The following TNFRSF21 variants were observed in gnomAD, a reference collection of about 807,000 sequenced individuals.
TNFRSF21 encodes the protein TNF receptor superfamily member 21.
In TNFRSF21, 19 loss-of-function variants were observed where a neutral mutation model predicts 45.6. The ratio of observed to expected loss-of-function variants is 0.42; its 90% CI spans 0.29 to 0.61. TNFRSF21 has a LOEUF of 0.61. TNFRSF21 is among the 20% of genes least tolerant of loss of function. TNFRSF21 has a pLI of 0.23. For missense variants in TNFRSF21, 737 were observed against 851.5 expected, an observed-to-expected ratio of 0.87 and a Z score of 1.67; for synonymous variants, 314 against 335.5, an observed-to-expected ratio of 0.94 and a Z score of 0.70.
chr6:47,284,314 G>T lies in TNFRSF21; in HGVS notation c.867C>A (p.Asn289Lys). The change falls in exon 3 of 6, where the codon AAC becomes AAA. Residue 289 changes from asparagine (N) to lysine (K), a missense_variant. Transcript: ENST00000296861. ...CTACCTGAAGGTTTGGGAGGGTCTT[G>T]TTCACGTCTTCCTTCCCCCTTGCTG... ...TSSARGKEDVNKTLPNLQVVN... is the reference protein window; with the variant it reads ...TSSARGKEDVKKTLPNLQVVN... The T allele has an allele frequency of 6.2e-7, 1 of 1,603,996 alleles. No individual in the cohort carries two copies. The highest frequency in any genetic ancestry group is 1.7e-5 in the Admixed American group (1 of 59,292).
chr6:47,253,103 G>GGTGT (rs369860041), intron 4 of TNFRSF21, among the ~76,000 whole-genome samples, 153 bp downstream of exon 4: 12 of 149,146 alleles, frequency 8.0e-5, no homozygotes, highest in Admixed American at 2.0e-4. Context: ...TAGAAGGTAG[G>GGTGT]GTGTGTGTGT....
At chr6:47,294,227 T>C (rs1278713777) in intron 1 of TNFRSF21, among the ~76,000 whole-genome samples, 1 of 152,174 alleles carries the variant, frequency 6.6e-6, no homozygotes, top group Non-Finnish European at 1.5e-5. Context: ...CACTGCAACC[T>C]CCGCCTCCTG....
intron 1 of TNFRSF21, among the ~76,000 whole-genome samples, chr6:47,288,842 G>T (rs1376620836): frequency 1.3e-5 from 2 of 152,154 alleles, no homozygotes; most frequent in African/African-American, 4.8e-5. Flanking sequence ...TTTGTAATGT[G>T]CTTTAAACAA....
intron 3 of TNFRSF21, among the ~76,000 whole-genome samples, chr6:47,281,535 C>T (rs1027767821): frequency 1.3e-5 from 2 of 152,106 alleles, no homozygotes; most frequent in African/African-American, 4.8e-5. Context: ...CGTGTGCCAC[C>T]ATACCTGGCT....
intron 3 of TNFRSF21, among the ~76,000 whole-genome samples, chr6:47,276,291 A>C (rs1279211315): frequency 6.6e-6 from 1 of 152,180 alleles, no homozygotes; most frequent in East Asian, 1.9e-4. Flanking sequence ...GAGGAAGCAT[A>C]GAACAATTTT....
At chr6:47,297,349 G>T (rs1344186414) in intron 1 of TNFRSF21, among the ~76,000 whole-genome samples, 1 of 152,130 alleles carries the variant, frequency 6.6e-6, no homozygotes, top group Non-Finnish European at 1.5e-5. Context: ...TACAGATAAA[G>T]CAGGCAAAAC....
At chr6:47,257,937 G>T (rs891109085) in intron 3 of TNFRSF21, among the ~76,000 whole-genome samples, 8 of 152,206 alleles carry the variant, frequency 5.3e-5, no homozygotes, top group African/African-American at 1.7e-4. Context: ...AATAGGGAAT[G>T]TGATGCAGTG....
At chr6:47,281,617 T>A (rs948439852) in intron 3 of TNFRSF21, among the ~76,000 whole-genome samples, 1 of 152,128 alleles carries the variant, frequency 6.6e-6, no homozygotes, top group Non-Finnish European at 1.5e-5. Context: ...CTGACCTCAG[T>A]TGATCTGCAT....
At chr6:47,233,645 T>C (rs952063948) in intron 5 of TNFRSF21, among the ~76,000 whole-genome samples, 9 of 148,912 alleles carry the variant, frequency 6.0e-5, no homozygotes, top group African/African-American at 1.7e-4. Context: ...AAATATATTA[T>C]ATAACATAAA....
intron 1 of TNFRSF21, among the ~76,000 whole-genome samples, chr6:47,296,645 C>T (rs1448036178): frequency 6.6e-6 from 1 of 152,114 alleles, no homozygotes; most frequent in Admixed American, 6.5e-5. Flanking sequence ...TCAATCATGT[C>T]TAAGTAATGA....
intron 3 of TNFRSF21, among the ~76,000 whole-genome samples, chr6:47,261,874 T>C (rs906761466): frequency 1.3e-5 from 2 of 152,250 alleles, no homozygotes; most frequent in African/African-American, 2.4e-5. Flanking sequence ...CAGTATACGA[T>C]AGCATGGTTA....
At chr6:47,275,956 A>T (rs988796598) in intron 3 of TNFRSF21, among the ~76,000 whole-genome samples, 2 of 152,170 alleles carry the variant, frequency 1.3e-5, no homozygotes, top group Non-Finnish European at 2.9e-5. Flanking sequence ...AGACACCAGG[A>T]AGACAGTAGG....
intron 4 of TNFRSF21, among the ~76,000 whole-genome samples, chr6:47,245,485 A>G (rs568849439): frequency 6.7e-6 from 1 of 149,202 alleles, no homozygotes; most frequent in Non-Finnish European, 1.5e-5. Context: ...TGTGTTGGGC[A>G]GGGAGTGTAT....
At chr6:47,243,965 T>C (rs1764786074) in intron 4 of TNFRSF21, among the ~76,000 whole-genome samples, 1 of 152,214 alleles carries the variant, frequency 6.6e-6, no homozygotes, top group Non-Finnish European at 1.5e-5. Context: ...GTGTAAGATA[T>C]CTTCCTAGAT....
At chr6:47,274,019 A>G (rs186242692) in intron 3 of TNFRSF21, among the ~76,000 whole-genome samples, 2 of 152,346 alleles carry the variant, frequency 1.3e-5, no homozygotes, top group East Asian at 3.9e-4. Context: ...TTCCATGCTC[A>G]TGGATAGGAA....
At position 47,253,357 on chromosome 6, in the gene TNFRSF21, C is replaced by T. The variant is rs1228393639; in HGVS notation, c.1408G>A (p.Gly470Ser). 3.1e-6 allele frequency: 5 copies of T among 1,613,948 alleles called. No homozygotes were observed. The highest frequency in any genetic ancestry group is 4.2e-6 in the Non-Finnish European group (5 of 1,180,016). ...AGCTGGGCGAGGCTGGCCTCGGGGC[C>T]CCGGATGGTCCAGTGCTGCAGAGCT... is the stretch of plus-strand genomic sequence containing the variant. ...YAALQHWTIR[G>S]PEASLAQLIS... The change falls in exon 4 of 6, where the codon GGC (glycine) becomes AGC (serine). Residue 470 changes from glycine (G) to serine (S), a missense_variant. Transcript: ENST00000296861.
intron 1 of TNFRSF21, among the ~76,000 whole-genome samples, chr6:47,303,560 G>A (rs1762901673): frequency 6.6e-6 from 1 of 152,102 alleles, no homozygotes; most frequent in African/African-American, 2.4e-5. Flanking sequence ...ACTGCTCACT[G>A]ATCTCACTGA....
chr6:47,233,846 T>C (rs1306127220), intron 5 of TNFRSF21, among the ~76,000 whole-genome samples: 1 of 152,148 alleles, frequency 6.6e-6, no homozygotes, highest in African/African-American at 2.4e-5. Flanking sequence ...TCATAAATAG[T>C]GTATGCTAAT....
intron 1 of TNFRSF21, among the ~76,000 whole-genome samples, chr6:47,301,880 G>A (rs570986514): frequency 6.6e-6 from 1 of 152,130 alleles, no homozygotes; most frequent in African/African-American, 2.4e-5. Flanking sequence ...ATCGCAAAAC[G>A]GATTAACAAA....
Sources: allele counts gnomAD v4.1 joint callset (sites outside exome capture counted in the v4.1 genomes callset), GRCh38; gene constraint gnomAD v4.1.1; transcripts MANE v1.5; gene names NCBI Gene and HGNC (gene_info 2026-07-23, HGNC 2026-07-21).